WIPI1: variants seen among roughly 807,000 people sequenced by gnomAD.
WIPI1 encodes the protein WD repeat domain, phosphoinositide interacting 1.
In WIPI1, 45 loss-of-function variants were observed where a neutral mutation model predicts 55.3. The ratio of observed to expected loss-of-function variants is 0.81; its 90% CI spans 0.64 to 1.04. WIPI1 has a LOEUF of 1.04. Among genes scored for constraint, WIPI1 ranks in the 50% least tolerant of loss-of-function variants. The pLI is 0.00. For synonymous variants in WIPI1, 195 were observed against 217.6 expected (o/e 0.90, Z 0.92); for missense variants, 445 against 559.0 (o/e 0.80, Z 2.06).
In WIPI1 at chr17:68,431,745, C is replaced by T. The variant is rs375996770; in HGVS notation, c.801-1585G>A. ...AGAGGCACGTGTGAGCCGTAACCGC[C>T]GGGGACATATGAACACCCGTGGACA... On this transcript the variant is annotated intron_variant, in intron 8 of 12. Transcript: ENST00000262139. Among the ~76,000 whole-genome samples the T allele has an allele frequency of 3.9e-5, 6 of 152,400 alleles. No individual in the cohort carries two copies. In the East Asian group the frequency reaches 9.6e-4, roughly 24 times the overall value.
intron 4 of WIPI1, among the ~76,000 whole-genome samples, chr17:68,438,403 G>T (rs1378191284): frequency 6.6e-6 from 1 of 152,322 alleles, no homozygotes; most frequent in East Asian, 1.9e-4. Context: ...TAGGCAGGCA[G>T]AAGGGATTCT....
intron 4 of WIPI1, among the ~76,000 whole-genome samples, chr17:68,439,567 G>A (rs1033327891): frequency 1.3e-5 from 2 of 152,160 alleles, no homozygotes; most frequent in Admixed American, 6.5e-5. Flanking sequence ...ACACAATTCC[G>A]TGAATATACC....
chr17:68,454,566 T>G (rs866396441), intron 1 of WIPI1, among the ~76,000 whole-genome samples: 27 of 152,344 alleles, frequency 1.8e-4, no homozygotes, highest in Middle Eastern at 3.4e-3. Flanking sequence ...TTTGCAGCTG[T>G]GCACTTAGAA....
intron 4 of WIPI1, among the ~76,000 whole-genome samples, chr17:68,442,003 T>C (rs947330144): frequency 6.6e-6 from 1 of 152,182 alleles, no homozygotes; most frequent in South Asian, 2.1e-4. Flanking sequence ...TCATTTTTCT[T>C]GAGATAAAAT....
intron 7 of WIPI1, 95 bp from the exon 8 acceptor site, chr17:68,433,670 T>A (rs2083625132): frequency 2.1e-6 from 2 of 954,824 alleles, no homozygotes; most frequent in Non-Finnish European, 1.6e-6. Context: ...ATCAGATGTA[T>A]CCTGAAGAGC....
At position 68,444,539 on chromosome 17, in the gene WIPI1, G is replaced by A; in HGVS notation, c.384C>T (p.Asp128=). 6.2e-7 allele frequency: 1 copy of A among 1,614,104 alleles called. No individual in the cohort carries two copies. The highest frequency in any genetic ancestry group is 8.5e-7 in the Non-Finnish European group (1 of 1,180,012). ...CCAGGAGGGTCTTCAACAGCTTCAT[G>A]TCTTTAATGTTGTGAATATAAATGG... is the stretch of plus-strand genomic sequence containing the variant. ...EESIYIHNIK[D]MKLLKTLLDI... Residue 128 remains aspartate (D), a synonymous_variant, in exon 4 of 13, where the codon GAC becomes GAT. Transcript: ENST00000262139.
chr17:68,453,097 A>G (rs1048446443), intron 1 of WIPI1, 105 bp from the exon 2 acceptor site: 27 of 824,908 alleles, frequency 3.3e-5, no homozygotes, highest in African/African-American at 2.9e-4. Context: ...TACAGTAAAC[A>G]AGCATCTGCA....
intron 9 of WIPI1, among the ~76,000 whole-genome samples, chr17:68,429,518 C>G (rs1376607042): frequency 1.3e-5 from 2 of 152,184 alleles, no homozygotes; most frequent in African/African-American, 4.8e-5. Flanking sequence ...CTGGCTGCCC[C>G]CTGAGAATCC....
intron 2 of WIPI1, among the ~76,000 whole-genome samples, chr17:68,452,594 T>C (rs867943162): frequency 1.3e-5 from 2 of 152,096 alleles, no homozygotes; most frequent in Non-Finnish European, 2.9e-5. Context: ...ATGTCACAAG[T>C]GTCCTTTAGG....
At chr17:68,424,383 T>C (rs1334231640) in intron 12 of WIPI1, 3 of 525,506 alleles carry the variant, frequency 5.7e-6, no homozygotes, top group Non-Finnish European at 1.2e-5. Context: ...CTAAGCCAAA[T>C]GTGCTCACTA....
At chr17:68,448,920 C>T (rs146596048) in intron 3 of WIPI1, among the ~76,000 whole-genome samples, 72 of 152,304 alleles carry the variant, frequency 4.7e-4, no homozygotes, top group African/African-American at 1.5e-3. Context: ...TTTCTTACTC[C>T]TGCTACTCCC....
intron 3 of WIPI1, among the ~76,000 whole-genome samples, chr17:68,449,714 C>G (rs994369367): frequency 2.0e-5 from 3 of 152,244 alleles, no homozygotes; most frequent in African/African-American, 7.2e-5. Flanking sequence ...TCCCCAGAAG[C>G]AGATGCTGCC....
chr17:68,424,597 C>T (rs374395886), intron 12 of WIPI1: 104 of 478,546 alleles, frequency 2.2e-4, no homozygotes, highest in Non-Finnish European at 3.8e-4. Context: ...TACTTCCGGC[C>T]GGGTGCGGCG....
intron 12 of WIPI1, 75 bp downstream of exon 12, chr17:68,426,000 G>A: frequency 8.7e-7 from 1 of 1,151,760 alleles, no homozygotes; most frequent in Non-Finnish European, 1.3e-6. Flanking sequence ...AAGGGACTCT[G>A]CCTCTCGTAT....
At position 68,427,221 on chromosome 17, in the gene WIPI1, T is replaced by C; in HGVS notation, c.1106A>G (p.Lys369Arg). ...TAAGGAAGGTCTGAGGTCATTTTCT[T>C]TATTCTCTTCTGTTGTTCCTGAGCC... Reference protein sequence around the residue: ...LLGSGTTEENKENDLRPSLPQ... With the variant: ...LLGSGTTEENRENDLRPSLPQ... The change falls in exon 11 of 13, where the codon AAA (lysine) becomes AGA (arginine). Residue 369 changes from lysine (K) to arginine (R), a missense_variant. Coordinates refer to ENST00000262139, the MANE Select transcript of WIPI1 (RefSeq NM_017983.7). The C allele has an allele frequency of 6.2e-7, 1 of 1,614,204 alleles. No homozygotes were observed. Among genetic ancestry groups the C allele is most frequent in the Non-Finnish European group, 8.5e-7 (1 of 1,180,026 alleles).
At chr17:68,427,094 A>C (rs1398046211) in intron 11 of WIPI1, 41 bp downstream of exon 11, 8 of 1,522,520 alleles carry the variant, frequency 5.3e-6, no homozygotes, top group Non-Finnish European at 7.3e-6. Context: ...GAGGGAGGTC[A>C]CTGTTGGAGA....
chr17:68,454,638 C>T (rs1231038349), intron 1 of WIPI1, among the ~76,000 whole-genome samples: 3 of 152,126 alleles, frequency 2.0e-5, no homozygotes, highest in Admixed American at 6.6e-5. Context: ...AAAAGTAAGC[C>T]CAGAGCATCT....
rs756898953 is a variant in WIPI1 at position 68,428,943 on chromosome 17, GC to G, written c.966-8del. On this transcript the variant is annotated splice_polypyrimidine_tract_variant and splice_region_variant and intron_variant, in intron 9 of 12. Coordinates refer to ENST00000262139, the MANE Select transcript of WIPI1 (RefSeq NM_017983.7). ...CCGTGGCAACTTCTGGATCCTAAGG[GC>G]CAAGGAAAACATAAACCGTGATGAC... The G allele has an allele frequency of 6.2e-7, 1 of 1,608,670 alleles. No homozygotes were observed. Among genetic ancestry groups the G allele is most frequent in the South Asian group, 1.1e-5 (1 of 90,896 alleles).
At chr17:68,447,674 C>A (rs892744706) in intron 3 of WIPI1, among the ~76,000 whole-genome samples, 1 of 152,094 alleles carries the variant, frequency 6.6e-6, no homozygotes, top group Non-Finnish European at 1.5e-5. Flanking sequence ...CACACTTGGC[C>A]CTTTCCTTCC....
Sources: gnomAD v4.1 joint callset for allele counts (sites outside exome capture counted in the v4.1 genomes callset) on GRCh38, gnomAD v4.1.1 for gene constraint, MANE v1.5 for transcripts, NCBI Gene and HGNC (gene_info 2026-07-23, HGNC 2026-07-21) for gene names.